GLIS3: variants seen among roughly 807,000 people sequenced by gnomAD.
The protein encoded by GLIS3 is zinc finger protein GLIS3.
A neutral mutation model predicts 78.6 loss-of-function variants in GLIS3; 53 were observed. The ratio of observed to expected loss-of-function variants is 0.67; its 90% CI spans 0.54 to 0.85. The LOEUF is 0.85. Among genes scored for constraint, GLIS3 ranks in the 40% least tolerant of loss-of-function variants. GLIS3 has a pLI of 0.00. For missense variants in GLIS3, 1,703 were observed against 1,231.1 expected (o/e 1.38, Z -5.74); for synonymous variants, 684 against 509.9 (o/e 1.34, Z -4.60).
intron 4 of GLIS3, among the ~76,000 whole-genome samples, chr9:4,098,965 G>C (rs772569436): frequency 1.3e-5 from 2 of 152,174 alleles, no homozygotes; most frequent in Non-Finnish European, 2.9e-5. Context: ...CTACAAGTAA[G>C]TCTGAAGCCC....
At chr9:4,427,219 C>A in the GLIS3 span, among the ~76,000 whole-genome samples, 2 of 152,128 alleles carry the variant, frequency 1.3e-5, no homozygotes, top group Non-Finnish European at 2.9e-5. Flanking sequence ...TTGGAAAAAC[C>A]ATCCTGATTG....
chr9:3,899,538 T>C (rs1823130410), intron 6 of GLIS3, among the ~76,000 whole-genome samples: 3 of 151,518 alleles, frequency 2.0e-5, no homozygotes, highest in Non-Finnish European at 4.4e-5. Flanking sequence ...AAAAAAACAA[T>C]GTAAGATTTA....
rs532949213 is a variant in GLIS3 at position 4,307,176 on chromosome 9, G to C, written n.584+1601C>G. Among the ~76,000 whole-genome samples, 3 of 152,252 alleles carry C rather than the reference G, an allele frequency of 2.0e-5. No homozygotes were observed. In the South Asian group the frequency reaches 6.2e-4, roughly 32 times the overall value. On this transcript the variant is annotated intron_variant and non_coding_transcript_variant, in intron 4 of 4. Transcript: ENST00000471664. ...TCTCACAGTGTAGAGGCTAATGAGT[G>C]GTGGAGGTGAGAGGAGGACGCAGCC...
chr9:3,921,786 A>T (rs1407544170), intron 6 of GLIS3, among the ~76,000 whole-genome samples: 1 of 152,206 alleles, frequency 6.6e-6, no homozygotes, highest in Non-Finnish European at 1.5e-5. Flanking sequence ...TATAAAAATT[A>T]TCCATAAAAT....
chr9:4,193,543 C>G (rs4741911), intron 2 of GLIS3, among the ~76,000 whole-genome samples: 121,282 of 152,200 alleles, frequency 0.8, 48,533 homozygotes, highest in Non-Finnish European at 0.83. Flanking sequence ...AAATGACACA[C>G]GGCTTAACTA....
At chr9:4,365,510 C>A in the GLIS3 span, among the ~76,000 whole-genome samples, 14 of 151,714 alleles carry the variant, frequency 9.2e-5, no homozygotes, top group Non-Finnish European at 1.9e-4. Flanking sequence ...CAGCCAAGAT[C>A]ATGCCACTGC....
upstream of GLIS3, among the ~76,000 whole-genome samples, chr9:4,303,339 G>C (rs1215889423): frequency 6.6e-6 from 1 of 152,002 alleles, no homozygotes; most frequent in Non-Finnish European, 1.5e-5. Flanking sequence ...AAAAGTTAGT[G>C]TTTGCCAACT....
intron 4 of GLIS3, among the ~76,000 whole-genome samples, chr9:3,953,765 C>CA (rs1563886315): frequency 6.5e-4 from 24 of 37,186 alleles, no homozygotes; most frequent in African/African-American, 2.6e-3. Context: ...GATTTGCTCT[C>CA]TCTCTCTCTC....
At chr9:4,078,465 T>C (rs1177331897) in intron 4 of GLIS3, among the ~76,000 whole-genome samples, 2 of 152,204 alleles carry the variant, frequency 1.3e-5, no homozygotes, top group East Asian at 1.9e-4. Flanking sequence ...ATAATTCTTC[T>C]TGCATGGCCT....
chr9:4,205,802 G>A (rs1819823117), intron 2 of GLIS3, among the ~76,000 whole-genome samples: 1 of 152,202 alleles, frequency 6.6e-6, no homozygotes, highest in African/African-American at 2.4e-5. Flanking sequence ...CTGACAGAGA[G>A]GTTCAGCAGT....
rs189617864 is a variant in GLIS3 at position 4,080,632 on chromosome 9, A to G, written c.1710+37136T>C. 3.4e-3 allele frequency among the ~76,000 whole-genome samples: 521 copies of G among 152,298 alleles called. 1 individual carries two copies. Among genetic ancestry groups the G allele is most frequent in the African/African-American group, 0.012 (505 of 41,574 alleles). On this transcript the variant is annotated intron_variant, in intron 4 of 10. Coordinates refer to ENST00000381971, the MANE Select transcript of GLIS3 (RefSeq NM_001042413.2). ...TAAATATTACATTAAAATATTATTT[A>G]CCTTTATTATTGAGCTTTTGGCACC...
chr9:4,040,532 C>G (rs944954305), intron 4 of GLIS3, among the ~76,000 whole-genome samples: 1 of 152,078 alleles, frequency 6.6e-6, no homozygotes, highest in African/African-American at 2.4e-5. Context: ...GATTTTAGGT[C>G]TTTTCCTAAA....
chr9:3,906,850 A>G (rs781184709), intron 6 of GLIS3, among the ~76,000 whole-genome samples: 1 of 152,192 alleles, frequency 6.6e-6, no homozygotes, highest in South Asian at 2.1e-4. Flanking sequence ...CCATAAATGC[A>G]TATTTCCCTG....
At chr9:4,145,787 T>C (rs1287690107) in intron 2 of GLIS3, among the ~76,000 whole-genome samples, 1 of 151,154 alleles carries the variant, frequency 6.6e-6, no homozygotes, top group Non-Finnish European at 1.5e-5. Flanking sequence ...TCCCTCTCTC[T>C]CCTTTAGTAT....
the GLIS3 span, among the ~76,000 whole-genome samples, chr9:4,487,116 C>T: frequency 6.6e-6 from 1 of 152,204 alleles, no homozygotes; most frequent in Admixed American, 6.5e-5. Flanking sequence ...TCTCCTGCCT[C>T]AGCCTCTCGA....
At chr9:4,375,481 A>C in the GLIS3 span, among the ~76,000 whole-genome samples, 6 of 152,192 alleles carry the variant, frequency 3.9e-5, no homozygotes, top group African/African-American at 1.4e-4. Context: ...TGCTACATTG[A>C]AGATTAATCT....
At chr9:3,909,493 T>C (rs1823985056) in intron 6 of GLIS3, among the ~76,000 whole-genome samples, 1 of 152,192 alleles carries the variant, frequency 6.6e-6, no homozygotes, top group Non-Finnish European at 1.5e-5. Context: ...AAGGAATCTC[T>C]TTGGGAACAG....
chr9:4,387,025 T>C, the GLIS3 span, among the ~76,000 whole-genome samples: 5 of 152,214 alleles, frequency 3.3e-5, no homozygotes, highest in African/African-American at 1.2e-4. Flanking sequence ...TGTCTTCACC[T>C]GGAACTTTTG....
chr9:4,004,955 C>G (rs906122726), intron 4 of GLIS3, among the ~76,000 whole-genome samples: 1 of 152,170 alleles, frequency 6.6e-6, no homozygotes, highest in Non-Finnish European at 1.5e-5. Context: ...CCCAATGAAG[C>G]ATAGCGAAGC....
Sources: allele counts gnomAD v4.1 joint callset (sites outside exome capture counted in the v4.1 genomes callset), GRCh38; gene constraint gnomAD v4.1.1; transcripts MANE v1.5; gene names NCBI Gene and HGNC (gene_info 2026-07-23, HGNC 2026-07-21).